The following CDH12 variants were observed in gnomAD, a reference collection of about 807,000 sequenced individuals.
CDH12 encodes cadherin-12.
CDH12 carries 41 observed loss-of-function variants against 74.1 expected under a neutral mutation model. That is an observed-to-expected ratio of 0.55 (90% CI 0.43 to 0.72). CDH12 has a LOEUF of 0.72. Among genes scored for constraint, CDH12 ranks in the 30% least tolerant of loss-of-function variants. The pLI is 0.00. For synonymous variants in CDH12, 399 were observed against 355.0 expected (o/e 1.12, Z -1.39); for missense variants, 945 against 977.2 (o/e 0.97, Z 0.44).
chr5:22,453,829 T>C (rs571490983), intron 2 of CDH12, among the ~76,000 whole-genome samples: 1 of 152,154 alleles, frequency 6.6e-6, no homozygotes, highest in Non-Finnish European at 1.5e-5. Flanking sequence ...TGTATATATA[T>C]TTTTCCTTTG....
At chr5:22,788,289 T>C (rs149446894) in intron 1 of CDH12, among the ~76,000 whole-genome samples, 26 of 152,274 alleles carry the variant, frequency 1.7e-4, no homozygotes, top group African/African-American at 5.8e-4. Context: ...TAATGTGCTA[T>C]AAATTTATCC....
intron 1 of CDH12, among the ~76,000 whole-genome samples, chr5:22,643,853 A>G (rs1739293606): frequency 6.9e-6 from 1 of 145,522 alleles, no homozygotes; most frequent in Non-Finnish European, 1.5e-5. Context: ...TTCATCTGTC[A>G]CATTTGGTAA....
At chr5:21,999,693 G>A (rs1159233715) in intron 5 of CDH12, among the ~76,000 whole-genome samples, 9 of 151,366 alleles carry the variant, frequency 5.9e-5, no homozygotes, top group East Asian at 1.9e-4. Flanking sequence ...CATAAATGTC[G>A]ATAGGTCAAT....
intron 1 of CDH12, among the ~76,000 whole-genome samples, chr5:22,695,027 C>G (rs1742279053): frequency 6.6e-6 from 1 of 151,924 alleles, no homozygotes; most frequent in Non-Finnish European, 1.5e-5. Context: ...GTGTGATGTT[C>G]CCCTCCCTGT....
chr5:22,184,748 G>C (rs570081691), intron 4 of CDH12, among the ~76,000 whole-genome samples: 1 of 152,152 alleles, frequency 6.6e-6, no homozygotes, highest in East Asian at 1.9e-4. Context: ...CCCTTACTCT[G>C]CTGTGAATAT....
chr5:22,141,730 A>G (rs1315937726), intron 4 of CDH12, among the ~76,000 whole-genome samples: 1 of 152,192 alleles, frequency 6.6e-6, no homozygotes, highest in Non-Finnish European at 1.5e-5. Flanking sequence ...TAAAAATAGG[A>G]GAATTTAGCG....
intron 8 of CDH12, among the ~76,000 whole-genome samples, chr5:21,834,892 C>T (rs1372545006): frequency 1.3e-5 from 2 of 152,016 alleles, no homozygotes; most frequent in South Asian, 2.1e-4. Flanking sequence ...ACATAAGAGC[C>T]ATTATTTTAG....
intron 6 of CDH12, among the ~76,000 whole-genome samples, chr5:21,899,337 C>G (rs1039329653): frequency 6.6e-6 from 1 of 152,156 alleles, no homozygotes. Context: ...TTGCATTCCT[C>G]ATAATACTCA....
chr5:22,144,469 T>C (rs962339789), intron 4 of CDH12, among the ~76,000 whole-genome samples: 9 of 152,196 alleles, frequency 5.9e-5, no homozygotes, highest in African/African-American at 1.9e-4. Context: ...TAAAGACACA[T>C]AGATTTGAAC....
chr5:21,841,662 G>A (rs1749860938), intron 8 of CDH12, among the ~76,000 whole-genome samples: 1 of 151,794 alleles, frequency 6.6e-6, no homozygotes, highest in Non-Finnish European at 1.5e-5. Flanking sequence ...TACACACCAT[G>A]GAATACTATG....
At chr5:22,554,354 A>C (rs9293022) in intron 1 of CDH12, among the ~76,000 whole-genome samples, 7 of 152,126 alleles carry the variant, frequency 4.6e-5, no homozygotes, top group African/African-American at 1.7e-4. Context: ...TTGTGACAAA[A>C]GTACCACTCT....
At chr5:22,175,276 T>A (rs137962948) in intron 4 of CDH12, among the ~76,000 whole-genome samples, 11,257 of 151,830 alleles carry the variant, frequency 0.074, 493 homozygotes, top group South Asian at 0.15. Flanking sequence ...GAAAATTTAA[T>A]GTACAGACAC....
intron 6 of CDH12, among the ~76,000 whole-genome samples, chr5:21,959,485 A>G (rs996506611): frequency 1.3e-5 from 2 of 152,174 alleles, no homozygotes; most frequent in African/African-American, 4.8e-5. Flanking sequence ...CCTATCTCAC[A>G]TGTGATGACA....
intron 4 of CDH12, among the ~76,000 whole-genome samples, chr5:22,186,189 C>T (rs1263061980): frequency 5.3e-5 from 8 of 152,180 alleles, no homozygotes; most frequent in Admixed American, 5.2e-4. Flanking sequence ...AAAAGTAACA[C>T]TGCCTCTTTC....
chr5:22,597,330 TA>T (rs1342172499), intron 1 of CDH12, among the ~76,000 whole-genome samples: 3 of 152,240 alleles, frequency 2.0e-5, no homozygotes, highest in Non-Finnish European at 2.9e-5. Flanking sequence ...TGTAGATAAA[TA>T]AGCTACAGCT....
Position 22,412,415 on chromosome 5 carries a change from T to C in CDH12, c.-427-7064A>G, listed in dbSNP as rs74675904. Among the ~76,000 whole-genome samples, 164 of 152,118 alleles carry C rather than the reference T, an allele frequency of 1.1e-3. 5 individuals are homozygous for C. In the East Asian group the frequency reaches 0.027, roughly 25 times the overall value. On this transcript the variant is annotated intron_variant, in intron 2 of 14. Coordinates refer to ENST00000382254, the MANE Select transcript of CDH12 (RefSeq NM_004061.5). Reference sequence around the variant, plus strand: ...CACCGTTAACTATTACAGTTAATCATTATTAGAATGTCATTCTGAATAGGG... The same window carrying C: ...CACCGTTAACTATTACAGTTAATCACTATTAGAATGTCATTCTGAATAGGG...
chr5:22,758,868 A>G, intron 1 of CDH12, among the ~76,000 whole-genome samples: 1 of 152,160 alleles, frequency 6.6e-6, no homozygotes, highest in East Asian at 1.9e-4. Flanking sequence ...TCAGGCAATC[A>G]CTAATTTTTG....
intron 6 of CDH12, among the ~76,000 whole-genome samples, chr5:21,962,759 A>G (rs1031389006): frequency 2.0e-5 from 3 of 152,152 alleles, no homozygotes; most frequent in African/African-American, 4.8e-5. Context: ...GTTCTTAAAT[A>G]TAGGACATAG....
intron 1 of CDH12, among the ~76,000 whole-genome samples, chr5:22,636,400 A>G (rs531402029): frequency 6.6e-6 from 1 of 152,290 alleles, no homozygotes; most frequent in South Asian, 2.1e-4. Flanking sequence ...TAATAATTAA[A>G]ATGTGGAAAC....
Sources: gnomAD v4.1 joint callset for allele counts (sites outside exome capture counted in the v4.1 genomes callset) on GRCh38, gnomAD v4.1.1 for gene constraint, MANE v1.5 for transcripts, NCBI Gene and HGNC (gene_info 2026-07-23, HGNC 2026-07-21) for gene names.